CENPP: variants seen among roughly 807,000 people sequenced by gnomAD.
The protein encoded by CENPP is centromere protein P.
Under a neutral mutation model 35.6 loss-of-function variants are expected in CENPP, and 24 were observed. The observed-to-expected ratio is 0.67, with a 90% CI of 0.49 to 0.95. CENPP has a LOEUF of 0.95. CENPP is among the 40% of genes least tolerant of loss of function. CENPP has a pLI of 0.00. For synonymous variants in CENPP, 120 were observed against 125.5 expected, an observed-to-expected ratio of 0.96 and a Z score of 0.29; for missense variants, 332 against 345.3, an observed-to-expected ratio of 0.96 and a Z score of 0.31.
intron 5 of CENPP, among the ~76,000 whole-genome samples, chr9:92,402,401 GAGA>G (rs1253605872): frequency 2.0e-5 from 3 of 152,134 alleles, no homozygotes; most frequent in Non-Finnish European, 2.9e-5. Context: ...ATTTATAGTG[GAGA>G]AGAACTTCTG....
intron 5 of CENPP, chr9:92,496,319 T>C: frequency 6.3e-7 from 1 of 1,576,348 alleles, no homozygotes; most frequent in South Asian, 1.2e-5. Context: ...TTGGAATTAC[T>C]TGATGTTTTG....
intron 5 of CENPP, among the ~76,000 whole-genome samples, chr9:92,473,788 G>A (rs1232297112): frequency 6.6e-6 from 1 of 152,170 alleles, no homozygotes; most frequent in Non-Finnish European, 1.5e-5. Flanking sequence ...CTTCATTAAG[G>A]TCTCTAGAGT....
Position 92,500,148 on chromosome 9 carries a change from CCT to C in CENPP, c.565-111159_565-111158del, listed in dbSNP as rs948320384. Reference sequence around the variant, plus strand: ...CTATTGCTTTGAAGACTCATTTGAACCTCTCTCTAAAGTTCTAAGTGTTATAT... The same window carrying C: ...CTATTGCTTTGAAGACTCATTTGAACCTCTCTAAAGTTCTAAGTGTTATAT... On this transcript the variant is annotated intron_variant, in intron 5 of 7. Coordinates refer to ENST00000375587, the MANE Select transcript of CENPP (RefSeq NM_001012267.3). 7.9e-5 allele frequency among the ~76,000 whole-genome samples: 12 copies of C among 152,182 alleles called. No homozygotes were observed. The East Asian group carries it at 1.7e-3, about 22-fold the overall frequency.
At chr9:92,475,757 G>A (rs1845693195) in intron 5 of CENPP, among the ~76,000 whole-genome samples, 1 of 151,990 alleles carries the variant, frequency 6.6e-6, no homozygotes, top group African/African-American at 2.4e-5. Context: ...CTTCTAATCT[G>A]TTCCATTGTC....
At chr9:92,414,852 T>A in intron 5 of CENPP, 1 of 260,092 alleles carries the variant, frequency 3.8e-6, no homozygotes. Flanking sequence ...ATAGAAATGA[T>A]ACACTCACTT....
chr9:92,364,601 G>A (rs1462789122), intron 4 of CENPP, among the ~76,000 whole-genome samples: 1 of 151,920 alleles, frequency 6.6e-6, no homozygotes, highest in Non-Finnish European at 1.5e-5. Context: ...TATTCATTTG[G>A]CCAAAATCAT....
rs1851470987 is a variant in CENPP at position 92,617,304 on chromosome 9, G to C, written c.*4155G>C. On this transcript the variant is annotated 3_prime_UTR_variant, in exon 8 of 8. Coordinates refer to ENST00000375587, the MANE Select transcript of CENPP (RefSeq NM_001012267.3). ...CAGTCACATCCCCAGCCCATGACTA[G>C]GGTTACGTATTTTAAAGGACACCCC... 1 of 152,194 alleles carries C rather than the reference G, an allele frequency of 6.6e-6. No homozygotes were observed. Among genetic ancestry groups the C allele is most frequent in the Non-Finnish European group, 1.5e-5 (1 of 68,126 alleles). The allele number at this position is 152,194 out of a possible 1,614,324, so 9.4% of individuals were successfully genotyped here.
intron 5 of CENPP, among the ~76,000 whole-genome samples, chr9:92,522,263 T>C (rs936277266): frequency 1.3e-5 from 2 of 152,050 alleles, no homozygotes; most frequent in East Asian, 3.9e-4. Flanking sequence ...ATTTTTTGTA[T>C]TTTTAGTAGA....
intron 5 of CENPP, among the ~76,000 whole-genome samples, chr9:92,609,749 T>C (rs1171573539): frequency 3.9e-5 from 6 of 152,234 alleles, no homozygotes; most frequent in African/African-American, 1.2e-4. Flanking sequence ...TGTGTTTTTG[T>C]TTTTGAGATG....
At chr9:92,464,753 G>A (rs771403311) in intron 5 of CENPP, 1 of 705,596 alleles carries the variant, frequency 1.4e-6, no homozygotes, top group African/African-American at 1.7e-5. Context: ...CAGGAAAAAG[G>A]CACTACATAT....
At chr9:92,341,452 G>T (rs1386796968) in intron 3 of CENPP, among the ~76,000 whole-genome samples, 11 of 152,176 alleles carry the variant, frequency 7.2e-5, no homozygotes, top group Admixed American at 6.5e-4. Context: ...ACCAACGTGT[G>T]ATGTCTCCCC....
chr9:92,421,288 C>A lies in CENPP; in HGVS notation c.564+41429C>A, dbSNP rs111897024. Among the ~76,000 whole-genome samples the A allele has an allele frequency of 4.5e-3, 681 of 152,332 alleles. 3 individuals carry two copies. The highest frequency in any genetic ancestry group is 0.015 in the African/African-American group (634 of 41,586). ...CTTCTGGGCTCAACCAGTCTGCCCC[C>A]CTCAGCCTCCCAAAGTGCTGGGATT... is the stretch of plus-strand genomic sequence containing the variant. On this transcript the variant is annotated intron_variant, in intron 5 of 7. Transcript: ENST00000375587.
chr9:92,503,594 A>G (rs775227892), intron 5 of CENPP, among the ~76,000 whole-genome samples: 1 of 152,250 alleles, frequency 6.6e-6, no homozygotes, highest in Non-Finnish European at 1.5e-5. Context: ...AGTTGGCATT[A>G]GAGGGAGTTT....
chr9:92,557,152 A>G (rs942238350), intron 5 of CENPP, among the ~76,000 whole-genome samples: 3 of 152,194 alleles, frequency 2.0e-5, no homozygotes, highest in African/African-American at 4.8e-5. Context: ...TAGGGTCCCA[A>G]TCCCTTCTAG....
chr9:92,474,660 G>T, intron 5 of CENPP: 1 of 1,613,676 alleles, frequency 6.2e-7, no homozygotes, highest in South Asian at 1.1e-5. Flanking sequence ...GAATAGCACT[G>T]ACATCCAAAT....
intron 5 of CENPP, among the ~76,000 whole-genome samples, chr9:92,407,152 C>G (rs2130941483): frequency 6.6e-6 from 1 of 152,290 alleles, no homozygotes; most frequent in East Asian, 1.9e-4. Context: ...TATTGCCAAC[C>G]AGGCAAGCTT....
chr9:92,460,813 A>G (rs1459235845), intron 5 of CENPP, among the ~76,000 whole-genome samples: 2 of 152,122 alleles, frequency 1.3e-5, no homozygotes, highest in Non-Finnish European at 2.9e-5. Context: ...AGTAGCTGAG[A>G]TAACAGGTAT....
At chr9:92,370,806 A>G (rs546413037) in intron 4 of CENPP, among the ~76,000 whole-genome samples, 32 of 152,206 alleles carry the variant, frequency 2.1e-4, no homozygotes, top group Middle Eastern at 6.8e-3. Context: ...ATTCAATCTC[A>G]CTACTCATTA....
At chr9:92,430,648 G>A (rs753859622) in intron 5 of CENPP, among the ~76,000 whole-genome samples, 2 of 151,984 alleles carry the variant, frequency 1.3e-5, no homozygotes, top group South Asian at 2.1e-4. Flanking sequence ...GAGCCACCAC[G>A]CCTGGACAAG....
Sources: gnomAD v4.1 joint callset for allele counts (sites outside exome capture counted in the v4.1 genomes callset) on GRCh38, gnomAD v4.1.1 for gene constraint, MANE v1.5 for transcripts, NCBI Gene and HGNC (gene_info 2026-07-23, HGNC 2026-07-21) for gene names.